Variants in MUC12 observed in about 807,000 individuals in gnomAD.
MUC12 encodes mucin 12, cell surface associated.
MUC12 carries 172 observed loss-of-function variants against 230.8 expected under a neutral mutation model. That is an observed-to-expected ratio of 0.75 (90% CI 0.66 to 0.85). MUC12 has a LOEUF of 0.85. Ranked by LOEUF, MUC12 falls within the 40% of genes least tolerant of loss-of-function variation. The pLI is 0.00. For synonymous variants in MUC12, 1,259 were observed against 2,401.9 expected, an observed-to-expected ratio of 0.52 and a Z score of 13.91; for missense variants, 3,506 against 5,920.6, an observed-to-expected ratio of 0.59 and a Z score of 13.38.
rs1793728419 is a variant in MUC12, at chr7:101,005,362, T to C, written c.14799T>C (p.Pro4933=). The change falls in exon 2 of 12, where the codon CCT becomes CCC. Residue 4933 remains proline, a synonymous_variant. Coordinates refer to ENST00000536621, the MANE Select transcript of MUC12 (RefSeq NM_001164462.2). ...RSTASDLVGE[P]TTFYISPSPT... is the part of the protein sequence containing the mutation. ...CAGCCTCAGACCTTGTTGGAGAACCTACAACTTTCTACATCAGCCCATCCC... is the reference window on the plus strand; with the variant it reads ...CAGCCTCAGACCTTGTTGGAGAACCCACAACTTTCTACATCAGCCCATCCC... 3.9e-6 allele frequency: 6 copies of C among 1,537,846 alleles called. No individual in the cohort carries two copies. The highest frequency in any genetic ancestry group is 5.2e-6 in the Non-Finnish European group (6 of 1,147,056).
At chr7:101,015,012 AGCACCTTCATGACC>A (rs1388746394) in intron 9 of MUC12, among the ~76,000 whole-genome samples, 1 of 152,174 alleles carries the variant, frequency 6.6e-6, no homozygotes, top group Non-Finnish European at 1.5e-5. Context: ...TCATGAGGAC[AGCACCTTCATGACC>A]TAATCATGTC....
At position 100,988,289 on chromosome 7, in the gene MUC12, GAAAAAAAAAA is replaced by G. The variant is rs1167163725; in HGVS notation, c.68-2329_68-2320del. ...CCAGCCTGGGTGACAGGCTGTCCCA[GAAAAAAAAAA>G]AAAAAAAAAAAAGAAAGAAAGAAAT... On this transcript the variant is annotated intron_variant, in intron 1 of 11. Coordinates refer to ENST00000536621, the MANE Select transcript of MUC12 (RefSeq NM_001164462.2). 2.4e-4 allele frequency among the ~76,000 whole-genome samples: 19 copies of G among 78,738 alleles called. No individual in the cohort carries two copies. In the East Asian group the frequency reaches 7.6e-3, roughly 32 times the overall value. The allele number at this position is 78,738 out of a possible 152,430, so 51.7% of individuals were successfully genotyped here.
chr7:100,977,154 G>C, intron 1 of MUC12, among the ~76,000 whole-genome samples: 1 of 150,652 alleles, frequency 6.6e-6, no homozygotes, highest in East Asian at 2.0e-4. Context: ...CAGCTCCAGG[G>C]TCCCCATTTT....
chr7:100,980,296 C>CCT (rs2116275445), intron 1 of MUC12, among the ~76,000 whole-genome samples: 1 of 152,288 alleles, frequency 6.6e-6, no homozygotes, highest in East Asian at 1.9e-4. Context: ...CCCGCCTTGG[C>CCT]CTCCCAAAGT....
intron 3 of MUC12, among the ~76,000 whole-genome samples, chr7:101,007,958 T>C (rs1793780911): frequency 6.9e-6 from 1 of 144,160 alleles, no homozygotes. Flanking sequence ...TCACCATGCC[T>C]GGCTATTTTT....
intron 1 of MUC12, among the ~76,000 whole-genome samples, chr7:100,971,492 C>A (rs1428906283): frequency 6.6e-6 from 1 of 152,312 alleles, no homozygotes; most frequent in Non-Finnish European, 1.5e-5. Flanking sequence ...CCACCATCCT[C>A]CCAGCCAGGG....
chr7:100,981,342 G>C (rs1793101741), intron 1 of MUC12: 1 of 598,062 alleles, frequency 1.7e-6, no homozygotes, highest in Non-Finnish European at 3.0e-6. Context: ...TCTTCACCCA[G>C]AGCATGGTTC....
chr7:100,993,353 C>G lies in MUC12; in HGVS notation c.2790C>G (p.Ser930=). 5.6e-6 allele frequency: 6 copies of G among 1,078,898 alleles called. 2 individuals carry two copies. The highest frequency in any genetic ancestry group is 2.7e-4 in the Middle Eastern group (1 of 3,692). The allele number at this position is 1,078,898 out of a possible 1,614,324, so 66.8% of individuals were successfully genotyped here. A position where few individuals can be genotyped will look rare whatever the true frequency, so the allele number is the denominator to read the frequency against. ...ALSPGSTTAL[S]FGQESTTFHS... ...CCCCTGGCAGTACCACAGCCTTATCCTTTGGTCAAGAATCTACAACCTTCC... is the reference window on the plus strand; with the variant it reads ...CCCCTGGCAGTACCACAGCCTTATCGTTTGGTCAAGAATCTACAACCTTCC... Residue 930 remains serine, a synonymous_variant, in exon 2 of 12, where the codon TCC becomes TCG. Coordinates refer to ENST00000536621, the MANE Select transcript of MUC12 (RefSeq NM_001164462.2).
chr7:101,018,346 G>T (rs1314372139), intron 11 of MUC12, among the ~76,000 whole-genome samples: 30 of 102,204 alleles, frequency 2.9e-4, no homozygotes, highest in African/African-American at 1.1e-3. Flanking sequence ...TCTCCCCCTA[G>T]GACTCCCTCC....
At position 101,006,534 on chromosome 7, in the gene MUC12, G is replaced by C. The variant is rs750014426; in HGVS notation, c.15020G>C (p.Gly5007Ala). Residue 5007 changes from glycine (G) to alanine (A), a missense_variant, in exon 3 of 12, where the codon GGT (glycine) becomes GCT (alanine). Coordinates refer to ENST00000536621, the MANE Select transcript of MUC12 (RefSeq NM_001164462.2). ...TGCGTCTGTCCCCAAGGCTACGTTG[G>C]TTACCAGTGCTTGTCCCCTCTGGAA... ...KQCVCPQGYV[G>A]YQCLSPLESF... The C allele has an allele frequency of 8.1e-5, 125 of 1,537,112 alleles. No homozygotes were observed. Among genetic ancestry groups the C allele is most frequent in the Non-Finnish European group, 1.1e-4 (122 of 1,146,910 alleles).
rs1793338537 is a variant in MUC12 at position 100,992,336 on chromosome 7, C to A, written c.1773C>A (p.Leu591=). ...GCCCAGGCTCCACTGAAACAACACTCTTACCTGACAACACCACAGCCTCAG... is the reference window on the plus strand; with the variant it reads ...GCCCAGGCTCCACTGAAACAACACTATTACCTGACAACACCACAGCCTCAG... ...HSRPGSTETT[L]LPDNTTASGL... is the part of the protein sequence containing the mutation. Residue 591 remains leucine, a synonymous_variant, in exon 2 of 12, where the codon CTC becomes CTA. Coordinates refer to ENST00000536621, the MANE Select transcript of MUC12 (RefSeq NM_001164462.2). The A allele has an allele frequency of 1.3e-6, 2 of 1,536,682 alleles. No individual in the cohort carries two copies. The highest frequency in any genetic ancestry group is 1.4e-5 in the African/African-American group (1 of 73,030).
At chr7:101,017,685 C>T (rs965037680) in intron 11 of MUC12, 22 bp downstream of exon 11, 14 of 1,516,954 alleles carry the variant, frequency 9.2e-6, no homozygotes, top group South Asian at 1.2e-5. Flanking sequence ...GCGAGCTGCC[C>T]CCACCCCCTG....
At position 100,998,007 on chromosome 7, in the gene MUC12, AG is replaced by A; in HGVS notation, c.7445del (p.Ser2482IlefsTer161). The part of the protein sequence containing the change: ...GSTDTALSPG[S>X]TTALSFGQES... The stretch of plus-strand genomic sequence containing the variant: ...AACTGACACAGCACTGTCCCCTGGC[AG>A]TACCACAGCCTTATCCTTTGGTCAA... On this transcript the variant is annotated frameshift_variant, in exon 2 of 12. Coordinates refer to ENST00000536621, the MANE Select transcript of MUC12 (RefSeq NM_001164462.2). LOFTEE classifies it high-confidence loss of function. 6.7e-7 allele frequency: 1 copy of A among 1,502,326 alleles called. No homozygotes were observed. Among genetic ancestry groups the A allele is most frequent in the Non-Finnish European group, 8.9e-7 (1 of 1,118,948 alleles). 93.1% of individuals were successfully genotyped at this position (1,502,326 alleles called of 1,614,324 possible). A position where few individuals can be genotyped will look rare whatever the true frequency, so the allele number is the denominator to read the frequency against.
rs544535197 is a variant in MUC12 at position 101,005,508 on chromosome 7, C to T, written c.14945C>T (p.Thr4982Ile). The change falls in exon 2 of 12, where the codon ACC becomes ATC. Residue 4982 changes from threonine to isoleucine, a missense_variant. Physicochemically the swap from Thr to Ile is moderately conservative, Grantham distance 89 (BLOSUM62 -1). Coordinates refer to ENST00000536621, the MANE Select transcript of MUC12 (RefSeq NM_001164462.2). ...STIVSTESLE[T>I]LAPGLCQEGQ... ...ATTGTGTCTACTGAAAGCCTGGAAA[C>T]CTTAGCACCAGGTACTGCTCTTTCC... is the stretch of plus-strand genomic sequence containing the variant. 7 of 1,536,718 alleles carry T rather than the reference C, an allele frequency of 4.6e-6. No individual in the cohort carries two copies. In the Admixed American group the frequency reaches 1.2e-4, roughly 26 times the overall value.
intron 1 of MUC12, among the ~76,000 whole-genome samples, chr7:100,978,518 A>G (rs1286136710): frequency 6.6e-6 from 1 of 152,172 alleles, no homozygotes; most frequent in South Asian, 2.1e-4. Flanking sequence ...TGGATTGCAC[A>G]AGGTCACACA....
At position 101,004,712 on chromosome 7, in the gene MUC12, T is replaced by A; in HGVS notation, c.14149T>A (p.Ser4717Thr). The A allele has an allele frequency of 2.0e-6, 3 of 1,536,624 alleles. No individual in the cohort carries two copies. The highest frequency in any genetic ancestry group is 2.6e-6 in the Non-Finnish European group (3 of 1,146,298). Residue 4717 changes from serine to threonine, a missense_variant, in exon 2 of 12, where the codon TCT becomes ACT. By Grantham distance (58) the Ser-to-Thr change is moderately conservative. Coordinates refer to ENST00000536621, the MANE Select transcript of MUC12 (RefSeq NM_001164462.2). ...TGCAGAATCTACCACCTTCTATATCTCTCCAGGCTCAATGGAAACAACATT... is the reference window on the plus strand; with the variant it reads ...TGCAGAATCTACCACCTTCTATATCACTCCAGGCTCAATGGAAACAACATT... The part of the protein sequence containing the change: ...RIAESTTFYI[S>T]PGSMETTLAS...
intron 1 of MUC12, among the ~76,000 whole-genome samples, chr7:100,986,607 G>GCACAGC (rs1450145085): frequency 6.6e-6 from 1 of 152,094 alleles, no homozygotes; most frequent in South Asian, 2.1e-4. Flanking sequence ...TTCCGTCTTG[G>GCACAGC]TCCAGCTCCT....
At position 100,991,240 on chromosome 7, in the gene MUC12, G is replaced by A. The variant is rs904193031; in HGVS notation, c.677G>A (p.Ser226Asn). The A allele has an allele frequency of 7.8e-6, 12 of 1,537,440 alleles. No individual in the cohort carries two copies. In the African/African-American group the frequency reaches 1.4e-4, roughly 18 times the overall value. The part of the protein sequence containing the change: ...SLGPESTTFH[S>N]SPGYTKTTRL... ...GGTCCAGAATCTACTACCTTCCACA[G>A]CAGCCCAGGCTACACTAAAACAACA... Residue 226 changes from serine to asparagine, a missense_variant, in exon 2 of 12, where the codon AGC (serine) becomes AAC (asparagine). Transcript: ENST00000536621.
chr7:100,971,876 G>A (rs1792907119), intron 1 of MUC12, among the ~76,000 whole-genome samples: 1 of 152,308 alleles, frequency 6.6e-6, no homozygotes, highest in Non-Finnish European at 1.5e-5. Context: ...CATTGCCTCT[G>A]TGTACCCAGC....
Sources: gnomAD v4.1 joint callset for allele counts (sites outside exome capture counted in the v4.1 genomes callset) on GRCh38, gnomAD v4.1.1 for gene constraint, MANE v1.5 for transcripts, NCBI Gene and HGNC (gene_info 2026-07-23, HGNC 2026-07-21) for gene names.